PVALB: variants seen among roughly 807,000 people sequenced by gnomAD.
PVALB encodes parvalbumin, also known as parvalbumin alpha.
In PVALB, 11 loss-of-function variants were observed where a neutral mutation model predicts 10.9. That is an observed-to-expected ratio of 1.01 (90% CI 0.63 to 1.67). The LOEUF (loss-of-function observed/expected upper bound fraction) is 1.67, where lower values mean the gene tolerates loss of function less well. Ranked by LOEUF, PVALB falls within the 40% of genes most tolerant of loss-of-function variation. The probability of loss-of-function intolerance (pLI) is 0.00; values close to 1 mark genes in which losing one functional copy is unlikely to be tolerated. For missense variants in PVALB, 131 were observed against 136.2 expected (o/e 0.96, Z 0.19); for synonymous variants, 57 against 50.7 (o/e 1.12, Z -0.53).
chr22:36,800,753 T>C lies in PVALB; in HGVS notation c.*137A>G. On this transcript the variant is annotated 3_prime_UTR_variant, in exon 4 of 4. Transcript: ENST00000417718. ...TCCAGCATTTTCCAGAAGAATGGTG[T>C]CATTAGAGGGCCACAGGGGATGGGG... is the stretch of plus-strand genomic sequence containing the variant. The C allele has an allele frequency of 2.2e-6, 2 of 927,670 alleles. No homozygotes were observed. Among genetic ancestry groups the C allele is most frequent in the Non-Finnish European group, 3.5e-6 (2 of 569,404 alleles). The allele number at this position is 927,670 out of a possible 1,614,324, so 57.5% of individuals were successfully genotyped here. A position where few individuals can be genotyped will look rare whatever the true frequency, so the allele number is the denominator to read the frequency against.
intron 2 of PVALB, among the ~76,000 whole-genome samples, chr22:36,814,434 C>T (rs1391434307): frequency 6.6e-6 from 1 of 152,154 alleles, no homozygotes. Context: ...AGGCCTCTCC[C>T]TACACCCACC....
At chr22:36,819,023 A>T (rs932021560), upstream of PVALB, among the ~76,000 whole-genome samples, 4 of 152,082 alleles carry the variant, frequency 2.6e-5, no homozygotes, top group Non-Finnish European at 5.9e-5. Flanking sequence ...TCTCCTATCA[A>T]CTTGACACCC....
intron 2 of PVALB, 104 bp from the exon 3 acceptor site, chr22:36,813,859 CT>C (rs750392411): frequency 5.6e-5 from 49 of 877,308 alleles, no homozygotes; most frequent in Non-Finnish European, 9.2e-5. Flanking sequence ...AAAGGGATGG[CT>C]GGGACAGGCA....
In PVALB at chr22:36,814,977, C is replaced by A. The variant is rs1011918970; in HGVS notation, c.194+126G>T. 56 of 1,282,686 alleles carry A rather than the reference C, an allele frequency of 4.4e-5. 2 individuals carry two copies. The South Asian group carries it at 7.9e-4, about 18-fold the overall frequency. The allele number at this position is 1,282,686 out of a possible 1,614,324, so 79.5% of individuals were successfully genotyped here. Reference sequence around the variant, plus strand: ...TGGGTCGGAGCCCTGCCTTCACGCACGGTTACTTTCTGTGAAGCAGGCAGA... The same window carrying A: ...TGGGTCGGAGCCCTGCCTTCACGCAAGGTTACTTTCTGTGAAGCAGGCAGA... On this transcript the variant is annotated intron_variant, in intron 2 of 3. Coordinates refer to ENST00000417718, the MANE Select transcript of PVALB (RefSeq NM_001315532.2).
chr22:36,810,768 A>T (rs1245333240), intron 3 of PVALB, among the ~76,000 whole-genome samples: 1 of 152,226 alleles, frequency 6.6e-6, no homozygotes, highest in East Asian at 1.9e-4. Flanking sequence ...TTGGCAAAAC[A>T]ATCTTCTTGC....
intron 2 of PVALB, among the ~76,000 whole-genome samples, chr22:36,814,428 C>T (rs1939102534): frequency 6.6e-6 from 1 of 152,098 alleles, no homozygotes; most frequent in African/African-American, 2.4e-5. Context: ...CTTGAAAGGC[C>T]TCTCCCTACA....
chr22:36,804,750 A>G (rs748788477), intron 3 of PVALB, among the ~76,000 whole-genome samples: 9 of 152,200 alleles, frequency 5.9e-5, no homozygotes, highest in Non-Finnish European at 1.0e-4. Flanking sequence ...CCTGATCAAC[A>G]TGGTGAAACC....
chr22:36,814,809 C>A (rs1485843204), intron 2 of PVALB, among the ~76,000 whole-genome samples: 1 of 152,212 alleles, frequency 6.6e-6, no homozygotes, highest in Non-Finnish European at 1.5e-5. Flanking sequence ...AAAACTGCCT[C>A]TTCATTTGCA....
intron 3 of PVALB, among the ~76,000 whole-genome samples, chr22:36,810,762 C>A (rs1258018346): frequency 6.6e-6 from 1 of 152,230 alleles, no homozygotes; most frequent in Non-Finnish European, 1.5e-5. Flanking sequence ...CCATTCTTGG[C>A]AAAACAATCT....
chr22:36,800,863 T>C lies in PVALB; in HGVS notation c.*27A>G. ...AGATTGGGTGTTCAGGGCAGAGAGGTGGAAGACCAGGGGCAGTCAGTGCTT... is the reference window on the plus strand; with the variant it reads ...AGATTGGGTGTTCAGGGCAGAGAGGCGGAAGACCAGGGGCAGTCAGTGCTT... On this transcript the variant is annotated 3_prime_UTR_variant, in exon 4 of 4. Coordinates refer to ENST00000417718, the MANE Select transcript of PVALB (RefSeq NM_001315532.2). 2 of 1,595,578 alleles carry C rather than the reference T, an allele frequency of 1.3e-6. No individual in the cohort carries two copies. Among genetic ancestry groups the C allele is most frequent in the Non-Finnish European group, 1.7e-6 (2 of 1,163,542 alleles).
rs558841412 is a variant in PVALB at position 36,815,325 on chromosome 22, G to C, written c.62-90C>G. On this transcript the variant is annotated intron_variant, in intron 1 of 3. Coordinates refer to ENST00000417718, the MANE Select transcript of PVALB (RefSeq NM_001315532.2). The stretch of plus-strand genomic sequence containing the variant: ...GGGGGCATCAAGGCATTTGTTGATG[G>C]ATTCCCACATGCCAGTCATGGGGAA... The C allele has an allele frequency of 1.7e-4, 254 of 1,522,476 alleles. No individual in the cohort carries two copies. In the East Asian group the frequency reaches 5.6e-3, roughly 33 times the overall value. The allele number at this position is 1,522,476 out of a possible 1,614,324, so 94.3% of individuals were successfully genotyped here.
chr22:36,815,724 C>A (rs1457102766), intron 1 of PVALB, among the ~76,000 whole-genome samples: 1 of 152,126 alleles, frequency 6.6e-6, no homozygotes. Flanking sequence ...AGGTTTCCCT[C>A]AAGGTCATAC....
intron 2 of PVALB, 118 bp from the exon 3 acceptor site, chr22:36,813,873 G>T: frequency 1.3e-6 from 1 of 797,644 alleles, no homozygotes; most frequent in Non-Finnish European, 2.2e-6. Flanking sequence ...GACAGGCAGC[G>T]AGCAGCAGTC....
At chr22:36,815,914 AG>A (rs901344548) in intron 1 of PVALB, among the ~76,000 whole-genome samples, 1 of 151,716 alleles carries the variant, frequency 6.6e-6, no homozygotes, top group African/African-American at 2.4e-5. Flanking sequence ...CTTCCCAGAG[AG>A]GTTCTTGTGC....
At chr22:36,805,376 C>A (rs1231541397) in intron 3 of PVALB, among the ~76,000 whole-genome samples, 4 of 152,220 alleles carry the variant, frequency 2.6e-5, no homozygotes, top group Non-Finnish European at 4.4e-5. Flanking sequence ...GGTGTTGCAA[C>A]CAAGGTGTTT....
chr22:36,817,300 G>T, upstream of PVALB: 1 of 270,836 alleles, frequency 3.7e-6, no homozygotes, highest in East Asian at 6.4e-5. Flanking sequence ...GAGGGAAGGG[G>T]CCACCTCTGG....
At chr22:36,805,984 G>T (rs1436541296) in intron 3 of PVALB, among the ~76,000 whole-genome samples, 1 of 152,170 alleles carries the variant, frequency 6.6e-6, no homozygotes, top group African/African-American at 2.4e-5. Context: ...TGGCAACTTA[G>T]TTCCTGATCC....
At chr22:36,803,770 G>A (rs956300895) in intron 3 of PVALB, among the ~76,000 whole-genome samples, 1 of 152,156 alleles carries the variant, frequency 6.6e-6, no homozygotes, top group African/African-American at 2.4e-5. Context: ...GGATCAACAA[G>A]TTCTGACTTA....
chr22:36,801,087 G>A (rs1938856438), intron 3 of PVALB, among the ~76,000 whole-genome samples, 169 bp from the exon 4 acceptor site: 1 of 152,134 alleles, frequency 6.6e-6, no homozygotes, highest in Non-Finnish European at 1.5e-5. Context: ...GAATGAATGA[G>A]CAGATGAGTG....
Sources: allele counts gnomAD v4.1 joint callset (sites outside exome capture counted in the v4.1 genomes callset), GRCh38; gene constraint gnomAD v4.1.1; transcripts MANE v1.5; gene names NCBI Gene and HGNC (gene_info 2026-07-23, HGNC 2026-07-21).